RBFOX1: variants seen among roughly 807,000 people sequenced by gnomAD.
RBFOX1 encodes RNA binding protein fox-1 homolog 1.
A neutral mutation model predicts 57.7 loss-of-function variants in RBFOX1; 8 were observed. The ratio of observed to expected loss-of-function variants is 0.14; its 90% CI spans 0.08 to 0.25. The LOEUF (loss-of-function observed/expected upper bound fraction) is 0.25, where lower values mean the gene tolerates loss of function less well. Ranked by LOEUF, RBFOX1 falls within the 10% of genes least tolerant of loss-of-function variation. RBFOX1 has a pLI of 1.00. For missense variants in RBFOX1, 611 were observed against 548.5 expected (o/e 1.11, Z -1.14); for synonymous variants, 326 against 222.4 (o/e 1.47, Z -4.15).
chr16:6,064,459 T>C (rs1416489266), intron 1 of RBFOX1, among the ~76,000 whole-genome samples: 1 of 152,246 alleles, frequency 6.6e-6, no homozygotes, highest in African/African-American at 2.4e-5. Flanking sequence ...GATTAAGTAG[T>C]ACTCCAAGTG....
At chr16:6,603,745 C>G (rs1449398899) in intron 2 of RBFOX1, among the ~76,000 whole-genome samples, 1 of 152,210 alleles carries the variant, frequency 6.6e-6, no homozygotes, top group Non-Finnish European at 1.5e-5. Context: ...TGCTGGACAT[C>G]AGGATGGCCT....
chr16:6,924,805 A>C, intron 3 of RBFOX1, among the ~76,000 whole-genome samples: 1 of 149,246 alleles, frequency 6.7e-6, no homozygotes, highest in African/African-American at 2.5e-5. Context: ...AGCATTAGGT[A>C]TATCTCCTAA....
intron 3 of RBFOX1, among the ~76,000 whole-genome samples, chr16:6,850,913 C>G (rs1414439532): frequency 1.3e-5 from 2 of 152,178 alleles, no homozygotes; most frequent in East Asian, 1.9e-4. Context: ...CACAAAACAA[C>G]CTGTATGCAA....
chr16:5,900,855 G>C (rs1342936021), intron 4 of RBFOX1, among the ~76,000 whole-genome samples: 1 of 152,136 alleles, frequency 6.6e-6, no homozygotes, highest in African/African-American at 2.4e-5. Flanking sequence ...CCCGGCCCCA[G>C]AGCCCCTATT....
At chr16:5,470,790 T>C (rs1597199638) in intron 2 of RBFOX1, among the ~76,000 whole-genome samples, 1 of 152,142 alleles carries the variant, frequency 6.6e-6, no homozygotes, top group East Asian at 1.9e-4. Flanking sequence ...CCATTGCATC[T>C]AGAGGCTTCT....
At chr16:6,009,775 A>C (rs1233119464) in intron 4 of RBFOX1, among the ~76,000 whole-genome samples, 1 of 140,730 alleles carries the variant, frequency 7.1e-6, no homozygotes, top group Non-Finnish European at 1.6e-5. Context: ...GGCATTTGGA[A>C]CATCTGTGAC....
intron 2 of RBFOX1, among the ~76,000 whole-genome samples, chr16:6,522,011 C>A (rs112182861): frequency 1.3e-5 from 2 of 152,058 alleles, no homozygotes. Flanking sequence ...TTCTACAAAG[C>A]CAAATATTTG....
At chr16:6,300,093 G>A (rs557416997) in intron 1 of RBFOX1, among the ~76,000 whole-genome samples, 1 of 152,256 alleles carries the variant, frequency 6.6e-6, no homozygotes, top group South Asian at 2.1e-4. Flanking sequence ...CCAGGCACAG[G>A]GGAACAAATA....
At chr16:6,390,287 G>A (rs995846416) in intron 2 of RBFOX1, among the ~76,000 whole-genome samples, 1 of 152,154 alleles carries the variant, frequency 6.6e-6, no homozygotes, top group East Asian at 1.9e-4. Context: ...CTGGTTTAGA[G>A]ATGGAAAGAC....
chr16:6,452,251 C>T (rs1251213206), intron 2 of RBFOX1, among the ~76,000 whole-genome samples: 2 of 151,786 alleles, frequency 1.3e-5, no homozygotes, highest in African/African-American at 4.8e-5. Context: ...TGACTCCATC[C>T]ATGACTCCAT....
At chr16:5,711,184 C>T (rs4786766) in intron 3 of RBFOX1, among the ~76,000 whole-genome samples, 83,477 of 152,092 alleles carry the variant, frequency 0.55, 26,248 homozygotes, top group Non-Finnish European at 0.72. Flanking sequence ...ATAGCACTTG[C>T]CCTGTGCATG....
At chr16:5,973,697 T>TTCTAAACAAAAGTACAGTAG (rs1163665311) in intron 4 of RBFOX1, among the ~76,000 whole-genome samples, 1 of 152,174 alleles carries the variant, frequency 6.6e-6, no homozygotes, top group Non-Finnish European at 1.5e-5. Context: ...GTAGACTGAG[T>TTCTAAACAAAAGTACAGTAG]TTCTTTGTTC....
chr16:7,440,284 A>T (rs941510210), intron 4 of RBFOX1, among the ~76,000 whole-genome samples: 2 of 152,210 alleles, frequency 1.3e-5, no homozygotes, highest in African/African-American at 4.8e-5. Context: ...TCCCAGCCAC[A>T]GCATATTAGG....
At chr16:5,625,364 T>C (rs2048318194) in intron 3 of RBFOX1, among the ~76,000 whole-genome samples, 1 of 152,026 alleles carries the variant, frequency 6.6e-6, no homozygotes, top group South Asian at 2.1e-4. Flanking sequence ...ACTGCAGTTC[T>C]CAGATGAAGA....
intron 4 of RBFOX1, among the ~76,000 whole-genome samples, chr16:7,203,237 T>C (rs1487075099): frequency 6.6e-6 from 1 of 152,200 alleles, no homozygotes; most frequent in Non-Finnish European, 1.5e-5. Context: ...TTCTGACGCA[T>C]GCTTCACAAA....
intron 3 of RBFOX1, among the ~76,000 whole-genome samples, chr16:5,662,730 G>A (rs1331707111): frequency 6.6e-6 from 1 of 152,182 alleles, no homozygotes; most frequent in African/African-American, 2.4e-5. Flanking sequence ...CAGCAGTAGG[G>A]GGTGGAGGTT....
At chr16:7,671,597 C>T in intron 13 of RBFOX1, 1 of 1,611,340 alleles carries the variant, frequency 6.2e-7, no homozygotes, top group Non-Finnish European at 8.5e-7. Context: ...TAAATTGCTG[C>T]AGGTATGAAA....
At chr16:6,446,661 C>T (rs2094492080) in intron 2 of RBFOX1, among the ~76,000 whole-genome samples, 1 of 152,048 alleles carries the variant, frequency 6.6e-6, no homozygotes, top group Non-Finnish European at 1.5e-5. Context: ...ATAAGAACAT[C>T]TACTTTTTAG....
At chr16:6,256,540 A>G (rs1186979034) in intron 1 of RBFOX1, among the ~76,000 whole-genome samples, 1 of 151,746 alleles carries the variant, frequency 6.6e-6, no homozygotes, top group African/African-American at 2.4e-5. Flanking sequence ...TGAACTTGAC[A>G]TTGGTTGCAG....
Sources: gnomAD v4.1 joint callset for allele counts (sites outside exome capture counted in the v4.1 genomes callset) on GRCh38, gnomAD v4.1.1 for gene constraint, MANE v1.5 for transcripts, NCBI Gene and HGNC (gene_info 2026-07-23, HGNC 2026-07-21) for gene names.